METTL6: variants seen among roughly 807,000 people sequenced by gnomAD.
METTL6 encodes the protein tRNA N(3)-cytidine methyltransferase METTL6.
Under a neutral mutation model 26.4 loss-of-function variants are expected in METTL6, and 22 were observed. The observed-to-expected ratio is 0.83, with a 90% CI of 0.59 to 1.19. The LOEUF (loss-of-function observed/expected upper bound fraction) is 1.19, where lower values mean the gene tolerates loss of function less well. Ranked by LOEUF, METTL6 falls within the 50% of genes most tolerant of loss-of-function variation. The probability of loss-of-function intolerance (pLI) is 0.00; values close to 1 mark genes in which losing one functional copy is unlikely to be tolerated. For synonymous variants in METTL6, 109 were observed against 116.2 expected (o/e 0.94, Z 0.40); for missense variants, 304 against 324.8 (o/e 0.94, Z 0.49).
intron 6 of METTL6, among the ~76,000 whole-genome samples, chr3:15,391,782 AATG>A (rs1224693713): frequency 1.3e-5 from 2 of 151,572 alleles, no homozygotes; most frequent in African/African-American, 4.9e-5. Flanking sequence ...GTTTGCTGAG[AATG>A]ATGGTTTCCA....
intron 6 of METTL6, among the ~76,000 whole-genome samples, chr3:15,387,981 CAG>C (rs1699242341): frequency 6.6e-6 from 1 of 152,000 alleles, no homozygotes; most frequent in Admixed American, 6.6e-5. Flanking sequence ...TTTATCAAGA[CAG>C]GGGAACTGCA....
intron 6 of METTL6, among the ~76,000 whole-genome samples, chr3:15,390,929 G>A (rs1699327223): frequency 6.6e-6 from 1 of 152,072 alleles, no homozygotes; most frequent in Admixed American, 6.6e-5. Context: ...AGATTGAAGG[G>A]TAGTGTATGC....
chr3:15,422,411 T>C (rs1171585381), intron 3 of METTL6, among the ~76,000 whole-genome samples: 1 of 152,024 alleles, frequency 6.6e-6, no homozygotes, highest in Non-Finnish European at 1.5e-5. Flanking sequence ...GGCAGATCAC[T>C]TGAGTTCAGA....
chr3:15,425,005 T>C lies in METTL6; in HGVS notation c.310A>G (p.Ile104Val), dbSNP rs369383180. Reference sequence around the variant, plus strand: ...GAAAAATCACAGGCATAGGCAAAGATATTCGGATCTTCTTCTAAAAGTGGG... The same window carrying C: ...GAAAAATCACAGGCATAGGCAAAGACATTCGGATCTTCTTCTAAAAGTGGG... ...LFPLLEEDPN[I>V]FAYACDFSPR... Residue 104 changes from isoleucine to valine, a missense_variant, in exon 3 of 6, where the codon ATC (isoleucine) becomes GTC (valine). Transcript: ENST00000383790. 2.0e-5 allele frequency: 33 copies of C among 1,614,050 alleles called. No homozygotes were observed. In the African/African-American group the frequency reaches 3.3e-4, roughly 16 times the overall value.
chr3:15,385,238 G>C (rs1280829112), intron 6 of METTL6, among the ~76,000 whole-genome samples: 3 of 152,158 alleles, frequency 2.0e-5, no homozygotes, highest in Non-Finnish European at 4.4e-5. Context: ...GTGATACAAA[G>C]AACAACATAT....
chr3:15,393,287 GCTCT>G (rs562089495), intron 6 of METTL6, among the ~76,000 whole-genome samples: 3 of 152,098 alleles, frequency 2.0e-5, no homozygotes, highest in Non-Finnish European at 4.4e-5. Context: ...TCATGATTTG[GCTCT>G]CTGTTTGTCT....
At position 15,427,483 on chromosome 3, in the gene METTL6, G is replaced by T. The variant is rs115952434; in HGVS notation, c.-206C>A. Reference sequence around the variant, plus strand: ...ACCCTAAACCAATTCTGAGGACCACGAATTCGGATTATCCGGGAGTTCTTT... The same window carrying T: ...ACCCTAAACCAATTCTGAGGACCACTAATTCGGATTATCCGGGAGTTCTTT... On this transcript the variant is annotated 5_prime_UTR_variant, in exon 1 of 6. An upstream open reading frame in the 5' UTR gains an earlier in-frame stop. Transcript: ENST00000383790. 7 of 464,218 alleles carry T rather than the reference G, an allele frequency of 1.5e-5. No individual in the cohort carries two copies. The highest frequency in any genetic ancestry group is 2.4e-5 in the Non-Finnish European group (6 of 254,622). 28.8% of individuals were successfully genotyped at this position (464,218 alleles called of 1,614,324 possible). A position where few individuals can be genotyped will look rare whatever the true frequency, so the allele number is the denominator to read the frequency against.
At chr3:15,406,575 A>C (rs868757893), downstream of METTL6, among the ~76,000 whole-genome samples, 46 of 137,382 alleles carry the variant, frequency 3.3e-4, no homozygotes, top group East Asian at 8.4e-4. Context: ...TGAAAAAAAA[A>C]AAACAAACAG....
rs372175784 is a variant in METTL6, at chr3:15,410,332, G to GT, written c.*923dup. 7.9e-5 allele frequency among the ~76,000 whole-genome samples: 12 copies of GT among 151,308 alleles called. No individual in the cohort carries two copies. The highest frequency in any genetic ancestry group is 2.1e-4 in the South Asian group (1 of 4,784). On this transcript the variant is annotated 3_prime_UTR_variant, in exon 6 of 6. Transcript: ENST00000383790. ...GAATGTGATCTTTCAAATTTTTTTT[G>GT]TTTTTTTTGAGACAGACTTTTGCTC...
rs1266353927 is a variant in METTL6 at position 15,411,067 on chromosome 3, G to C, written c.*189C>G. ...GCCACTATGCCCAGCTAATTTTTTT[G>C]TATTTTTAGTAGAGATGGGGTCTCA... On this transcript the variant is annotated 3_prime_UTR_variant, in exon 6 of 6. Coordinates refer to ENST00000383790, the MANE Select transcript of METTL6 (RefSeq NM_152396.4). 9 of 534,042 alleles carry C rather than the reference G, an allele frequency of 1.7e-5. No individual in the cohort carries two copies. The highest frequency in any genetic ancestry group is 2.8e-5 in the Non-Finnish European group (9 of 315,830). 33.1% of individuals were successfully genotyped at this position (534,042 alleles called of 1,614,324 possible). A position where few individuals can be genotyped will look rare whatever the true frequency, so the allele number is the denominator to read the frequency against.
rs537232065 is a variant in METTL6, at chr3:15,412,484, G to T, written c.674-1047C>A. 1.5e-4 allele frequency among the ~76,000 whole-genome samples: 23 copies of T among 149,786 alleles called. No individual in the cohort carries two copies. The East Asian group carries it at 2.9e-3, about 19-fold the overall frequency. The stretch of plus-strand genomic sequence containing the variant: ...TTTTGATAATTTTGCATTTTGTTTT[G>T]TTTTGTTTTGTTTTTTTGAGATAGG... On this transcript the variant is annotated intron_variant, in intron 5 of 5. Coordinates refer to ENST00000383790, the MANE Select transcript of METTL6 (RefSeq NM_152396.4).
At chr3:15,381,914 T>A (rs1249407737) in exon 7 of METTL6, 1 of 152,194 alleles carries the variant, frequency 6.6e-6, no homozygotes, top group Non-Finnish European at 1.5e-5. Flanking sequence ...AGTATGGCTA[T>A]TTTTAAGGTC....
intron 4 of METTL6, chr3:15,415,039 T>TA: frequency 2.2e-6 from 2 of 905,892 alleles, no homozygotes; most frequent in Non-Finnish European, 2.8e-6. Context: ...AACTGTCTCT[T>TA]AAAAAAACAA....
intron 3 of METTL6, among the ~76,000 whole-genome samples, chr3:15,419,867 T>C (rs1406822596): frequency 6.7e-6 from 1 of 150,100 alleles, no homozygotes; most frequent in Non-Finnish European, 1.5e-5. Context: ...TTTTCTTTTT[T>C]TTTTTTTTTT....
At position 15,415,692 on chromosome 3, in the gene METTL6, A is replaced by G. The variant is rs940505919; in HGVS notation, c.531+80T>C. 9.4e-6 allele frequency: 15 copies of G among 1,598,046 alleles called. No homozygotes were observed. In the African/African-American group the frequency reaches 2.0e-4, roughly 21 times the overall value. On this transcript the variant is annotated intron_variant, in intron 4 of 5. Transcript: ENST00000383790. ...ATGGAGAGACTATGTGAATCTAGAC[A>G]GTACATGAGCCTCATGAGGGAAGGT...
rs1004924699 is a variant in METTL6 at position 15,426,743 on chromosome 3, C to G, written c.-124-108G>C. 9 of 560,246 alleles carry G rather than the reference C, an allele frequency of 1.6e-5. No individual in the cohort carries two copies. The African/African-American group carries it at 1.7e-4, about 10-fold the overall frequency. The allele number at this position is 560,246 out of a possible 1,614,324, so 34.7% of individuals were successfully genotyped here. ...CAGACTGTACAAAAAAAAATCCTTC[C>G]CGCTATATGAGAGGTCACAAAGAAG... is the stretch of plus-strand genomic sequence containing the variant. On this transcript the variant is annotated intron_variant, in intron 1 of 5. Transcript: ENST00000383790.
At chr3:15,390,310 C>T (rs189955604) in intron 6 of METTL6, among the ~76,000 whole-genome samples, 1 of 152,136 alleles carries the variant, frequency 6.6e-6, no homozygotes, top group Admixed American at 6.5e-5. Context: ...CACCTGTAGT[C>T]CCAGCTACTT....
At chr3:15,384,107 T>G (rs758463695) in exon 7 of METTL6, 10 of 406,116 alleles carry the variant, frequency 2.5e-5, no homozygotes, top group Non-Finnish European at 4.8e-5. Context: ...ACTGGAAGAT[T>G]ATTTTCTGTG....
intron 6 of METTL6, among the ~76,000 whole-genome samples, chr3:15,402,812 GTTCTAC>G (rs1395341769): frequency 1.3e-5 from 2 of 151,628 alleles, no homozygotes; most frequent in Non-Finnish European, 2.9e-5. Context: ...CCAATCTTAG[GTTCTAC>G]AATAGTGATG....
Sources: allele counts gnomAD v4.1 joint callset (sites outside exome capture counted in the v4.1 genomes callset), GRCh38; gene constraint gnomAD v4.1.1; transcripts MANE v1.5; gene names NCBI Gene and HGNC (gene_info 2026-07-23, HGNC 2026-07-21).